The following DMD variants were observed in gnomAD, a reference collection of about 807,000 sequenced individuals.
The protein encoded by DMD is mutant dystrophin.
Under a neutral mutation model 330.1 loss-of-function variants are expected in DMD, and 63 were observed. The observed-to-expected ratio is 0.19, with a 90% CI of 0.16 to 0.24. The LOEUF is 0.24. Ranked by LOEUF, DMD falls within the 10% of genes least tolerant of loss-of-function variation. The pLI, the probability that DMD is intolerant of heterozygous loss-of-function variation, is 1.00. For synonymous variants in DMD, 1,223 were observed against 959.8 expected, an observed-to-expected ratio of 1.27 and a Z score of -5.07; for missense variants, 3,344 against 2,684.1, an observed-to-expected ratio of 1.25 and a Z score of -5.43.
chrX:32,122,850 A>G (rs2096642809), intron 44 of DMD, among the ~76,000 whole-genome samples: 1 of 111,196 alleles, frequency 9.0e-6, no homozygotes, highest in African/African-American at 3.3e-5. Context: ...TACACTACTC[A>G]TAAGGACTTT....
intron 41 of DMD, among the ~76,000 whole-genome samples, chrX:32,340,717 T>C (rs779571461): frequency 8.9e-6 from 1 of 112,065 alleles, no homozygotes; most frequent in East Asian, 2.8e-4. Context: ...GAATTTTCTT[T>C]TTGATTGCCT....
intron 57 of DMD, among the ~76,000 whole-genome samples, chrX:31,480,596 G>GTGTGTT (rs2068200805): frequency 3.0e-5 from 3 of 101,067 alleles, no homozygotes; most frequent in Admixed American, 1.1e-4. Context: ...GTGTGTGTGT[G>GTGTGTT]TTCAGTTGTT....
intron 62 of DMD, among the ~76,000 whole-genome samples, chrX:31,296,251 AAT>A (rs2054180520): frequency 8.9e-6 from 1 of 111,847 alleles, no homozygotes; most frequent in African/African-American, 3.2e-5. Context: ...TCTATAATTG[AAT>A]AGTCTTTTAA....
At chrX:32,765,559 T>A (rs977332341) in intron 7 of DMD, among the ~76,000 whole-genome samples, 8 of 111,803 alleles carry the variant, frequency 7.2e-5, no homozygotes, top group East Asian at 5.7e-4. Context: ...TTTAGAGCAA[T>A]GCAAGAATGG....
intron 60 of DMD, among the ~76,000 whole-genome samples, chrX:31,366,507 A>T (rs6631301): frequency 0.31 from 25,822 of 83,918 alleles, 3,116 homozygotes; most frequent in East Asian, 0.52. Flanking sequence ...CATAAAAAAA[A>T]AAATAAATAA....
chrX:32,447,017 C>T (rs780505494), intron 27 of DMD, among the ~76,000 whole-genome samples: 2 of 110,269 alleles, frequency 1.8e-5, no homozygotes, highest in East Asian at 5.7e-4. Context: ...AAAATGTACT[C>T]CAATATAAAT....
intron 1 of DMD, among the ~76,000 whole-genome samples, chrX:33,021,557 T>C (rs1234266676): frequency 9.0e-6 from 1 of 111,505 alleles, no homozygotes; most frequent in African/African-American, 3.2e-5. Context: ...TCTCCGTTGC[T>C]TCTCTTAAAA....
intron 2 of DMD, among the ~76,000 whole-genome samples, chrX:33,004,390 G>A (rs753973414): frequency 1.2e-3 from 138 of 111,067 alleles, no homozygotes; most frequent in Non-Finnish European, 2.1e-3. Context: ...CTTTCAGTGT[G>A]GAATGAGACT....
intron 60 of DMD, among the ~76,000 whole-genome samples, chrX:31,379,437 C>T (rs1324062993): frequency 2.7e-5 from 3 of 111,353 alleles, no homozygotes; most frequent in Non-Finnish European, 5.6e-5. Flanking sequence ...GTTCATGGCT[C>T]GTTTGGCAAC....
At chrX:31,923,681 TC>T (rs1433687935) in intron 47 of DMD, among the ~76,000 whole-genome samples, 3 of 97,494 alleles carry the variant, frequency 3.1e-5, no homozygotes, top group Non-Finnish European at 6.0e-5. Context: ...CACTGCAACC[TC>T]CTACTCCCTG....
chrX:31,621,084 A>C (rs766029775), intron 55 of DMD, among the ~76,000 whole-genome samples: 52 of 111,956 alleles, frequency 4.6e-4, no homozygotes, highest in African/African-American at 1.7e-3. Context: ...CCTCAAAATC[A>C]AACACGTTCT....
intron 60 of DMD, among the ~76,000 whole-genome samples, chrX:31,376,387 C>T (rs1213233040): frequency 8.9e-6 from 1 of 111,892 alleles, no homozygotes; most frequent in Non-Finnish European, 1.9e-5. Flanking sequence ...AGATTCTCTG[C>T]TTGGGGGTGA....
chrX:33,148,297 T>C (rs2048121422), intron 1 of DMD, among the ~76,000 whole-genome samples: 1 of 112,475 alleles, frequency 8.9e-6, no homozygotes, highest in African/African-American at 3.2e-5. Context: ...TAGTTTTAAA[T>C]GGAGCAGATG....
intron 42 of DMD, among the ~76,000 whole-genome samples, chrX:32,298,821 C>G (rs1938382579): frequency 9.3e-6 from 1 of 107,129 alleles, no homozygotes; most frequent in African/African-American, 3.4e-5. Context: ...AGGCACCCAG[C>G]AGGAGGAGGG....
chrX:32,922,748 G>GTTTGGGGACCCCTGC (rs765187078), intron 2 of DMD, among the ~76,000 whole-genome samples: 1 of 111,875 alleles, frequency 8.9e-6, no homozygotes, highest in Non-Finnish European at 1.9e-5. Flanking sequence ...GGGGCCCAGG[G>GTTTGGGGACCCCTGC]TTTGGGGACC....
intron 44 of DMD, among the ~76,000 whole-genome samples, chrX:31,985,083 G>T (rs943458912): frequency 8.9e-6 from 1 of 111,863 alleles, no homozygotes; most frequent in Non-Finnish European, 1.9e-5. Context: ...CAATGTAAAA[G>T]AATAGACCTG....
rs1858331373 is a variant in DMD at position 31,187,329 on chromosome X, A to T, written c.9808-4425T>A. On this transcript the variant is annotated intron_variant, in intron 67 of 78. Coordinates refer to ENST00000357033, the MANE Select transcript of DMD (RefSeq NM_004006.3). The stretch of plus-strand genomic sequence containing the variant: ...TTTACCAGAGCTGTCTTATCTGTCC[A>T]TGCCTCTTCATTCCTATTCTTTTTA... 4.5e-5 allele frequency among the ~76,000 whole-genome samples: 5 copies of T among 112,120 alleles called. No individual in the cohort carries two copies. The South Asian group carries it at 1.9e-3, about 42-fold the overall frequency.
At chrX:31,297,668 A>G (rs776339280) in intron 62 of DMD, among the ~76,000 whole-genome samples, 3 of 112,363 alleles carry the variant, frequency 2.7e-5, no homozygotes, top group Non-Finnish European at 5.6e-5. Flanking sequence ...AACATTGTGC[A>G]TATTATAAAT....
intron 41 of DMD, among the ~76,000 whole-genome samples, chrX:32,337,966 C>T (rs909538925): frequency 9.0e-6 from 1 of 111,332 alleles, no homozygotes; most frequent in African/African-American, 3.3e-5. Flanking sequence ...AAATATATTG[C>T]TTAGTAATTA....
Sources: allele counts gnomAD v4.1 joint callset (sites outside exome capture counted in the v4.1 genomes callset), GRCh38; gene constraint gnomAD v4.1.1; transcripts MANE v1.5; gene names NCBI Gene and HGNC (gene_info 2026-07-23, HGNC 2026-07-21).